Variants in SNX1 observed in about 807,000 individuals in gnomAD.
The protein encoded by SNX1 is sorting nexin-1.
A neutral mutation model predicts 71.8 loss-of-function variants in SNX1; 36 were observed. That is an observed-to-expected ratio of 0.50 (90% CI 0.38 to 0.66). SNX1 has a LOEUF of 0.66. SNX1 is among the 30% of genes least tolerant of loss of function. The pLI is 0.00. For missense variants in SNX1, 612 were observed against 646.7 expected (o/e 0.95, Z 0.58); for synonymous variants, 254 against 240.7 (o/e 1.06, Z -0.51).
intron 11 of SNX1, among the ~76,000 whole-genome samples, chr15:64,132,174 A>G (rs773794700): frequency 6.6e-6 from 1 of 152,220 alleles, no homozygotes; most frequent in Non-Finnish European, 1.5e-5. Flanking sequence ...TTGAGGCCAG[A>G]CAGTGTCTTC....
At chr15:64,130,800 AACAG>A (rs1215591368) in intron 10 of SNX1, among the ~76,000 whole-genome samples, 2 of 152,210 alleles carry the variant, frequency 1.3e-5, no homozygotes, top group African/African-American at 2.4e-5. Flanking sequence ...TAGAAATTGA[AACAG>A]ACAGAAGACC....
intron 7 of SNX1, 86 bp from the exon 8 acceptor site, chr15:64,127,645 A>T (rs1232898310): frequency 4.3e-6 from 4 of 922,442 alleles, no homozygotes; most frequent in Admixed American, 4.0e-5. Context: ...AGTACAGAAG[A>T]CATGGTATCA....
chr15:64,135,498 C>T (rs1173890784), intron 12 of SNX1, among the ~76,000 whole-genome samples: 1 of 150,558 alleles, frequency 6.6e-6, no homozygotes, highest in Non-Finnish European at 1.5e-5. Flanking sequence ...TGGCTCACGC[C>T]TGTAATACCA....
intron 6 of SNX1, among the ~76,000 whole-genome samples, chr15:64,126,612 G>A (rs1158730855): frequency 2.0e-5 from 3 of 151,978 alleles, no homozygotes; most frequent in South Asian, 4.2e-4. Context: ...GTGGAGTCTC[G>A]CTCTGTCACC....
intron 1 of SNX1, among the ~76,000 whole-genome samples, chr15:64,103,345 C>G (rs372176339): frequency 2.0e-5 from 3 of 152,156 alleles, no homozygotes; most frequent in Non-Finnish European, 2.9e-5. Flanking sequence ...TCCCCTTTCT[C>G]CATATCCTTG....
rs936863545 is a variant in SNX1, at chr15:64,096,184, C to T, written c.159+12C>T. ...GCGCCGCGGTGGTCGTGAGTTTGCA[C>T]CCCTCGGGGTAGCAGGCGGGAGGGC... is the stretch of plus-strand genomic sequence containing the variant. On this transcript the variant is annotated intron_variant, in intron 1 of 14. Coordinates refer to ENST00000559844, the MANE Select transcript of SNX1 (RefSeq NM_003099.5). The T allele has an allele frequency of 1.0e-5, 16 of 1,548,490 alleles. No homozygotes were observed. Among genetic ancestry groups the T allele is most frequent in the African/African-American group, 1.4e-5 (1 of 72,862 alleles).
intron 1 of SNX1, among the ~76,000 whole-genome samples, chr15:64,109,271 G>T (rs76193681): frequency 0.032 from 4,813 of 151,852 alleles, 255 homozygotes; most frequent in African/African-American, 0.11. Flanking sequence ...TACTTGGGAG[G>T]CTGAGGCACG....
At position 64,134,985 on chromosome 15, in the gene SNX1, C is replaced by G. The variant is rs1302226873; in HGVS notation, c.1365+178C>G. ...TCCAGGCCTTCCTGAGGCCTAGTCC[C>G]CCTGTTCTTTTTCTACTCTACGCAG... On this transcript the variant is annotated intron_variant, in intron 12 of 14. Coordinates refer to ENST00000559844, the MANE Select transcript of SNX1 (RefSeq NM_003099.5). This position sits in a 1 kb window ranked among gnomAD's most constrained non-coding sequence, Gnocchi z 4.1. The G allele has an allele frequency of 2.8e-6, 2 of 725,108 alleles. No homozygotes were observed. Among genetic ancestry groups the G allele is most frequent in the East Asian group, 5.6e-5 (2 of 35,596 alleles). 44.9% of individuals were successfully genotyped at this position (725,108 alleles called of 1,614,324 possible). A position where few individuals can be genotyped will look rare whatever the true frequency, so the allele number is the denominator to read the frequency against.
At position 64,126,066 on chromosome 15, in the gene SNX1, TC is replaced by T; in HGVS notation, c.511-11del. 6.2e-7 allele frequency: 1 copy of T among 1,614,088 alleles called. No individual in the cohort carries two copies. The highest frequency in any genetic ancestry group is 8.5e-7 in the Non-Finnish European group (1 of 1,179,984). ...TGGAATGAAATTGCCTTGTGTTTTTTCCTGTCCCCAAGACAAGCTTACCATT... is the reference window on the plus strand; with the variant it reads ...TGGAATGAAATTGCCTTGTGTTTTTTCTGTCCCCAAGACAAGCTTACCATT... On this transcript the variant is annotated splice_polypyrimidine_tract_variant and intron_variant, in intron 5 of 14. Transcript: ENST00000559844.
intron 5 of SNX1, among the ~76,000 whole-genome samples, chr15:64,125,464 CAAAAAAA>C (rs56350009): frequency 1.1e-4 from 5 of 45,876 alleles, no homozygotes; most frequent in African/African-American, 3.4e-4. Flanking sequence ...GACTCCATCT[CAAAAAAA>C]AAAAAAAAAA....
chr15:64,118,760 T>G (rs975182040), intron 3 of SNX1, 28 bp from the exon 4 acceptor site: 10 of 1,568,422 alleles, frequency 6.4e-6, no homozygotes, highest in Non-Finnish European at 8.8e-6. Flanking sequence ...TCATATCAAC[T>G]CTCATGATTT....
At chr15:64,097,114 G>A (rs2080910791) in intron 1 of SNX1, among the ~76,000 whole-genome samples, 1 of 105,134 alleles carries the variant, frequency 9.5e-6, no homozygotes. Context: ...CCCCTTATCT[G>A]GATGAAGGAT....
Position 64,129,942 on chromosome 15 carries a change from A to G in SNX1, c.834A>G (p.Thr278=), listed in dbSNP as rs768307987. ...TGCCACGTGCCGTGGGTACCCAGAC[A>G]TTGAGTGGTGCTGGTCTCCTCAAGA... ...EELPRAVGTQ[T]LSGAGLLKMF... The change falls in exon 9 of 15, where the codon ACA becomes ACG. Residue 278 remains threonine, a synonymous_variant. Coordinates refer to ENST00000559844, the MANE Select transcript of SNX1 (RefSeq NM_003099.5). The surrounding 1 kb of genome is among the most constrained non-coding windows in gnomAD (Gnocchi z 4.4). 5 of 1,613,998 alleles carry G rather than the reference A, an allele frequency of 3.1e-6. No individual in the cohort carries two copies. In the African/African-American group the frequency reaches 6.7e-5, roughly 22 times the overall value.
chr15:64,119,596 C>T (rs922079054), intron 4 of SNX1, among the ~76,000 whole-genome samples: 1 of 151,992 alleles, frequency 6.6e-6, no homozygotes, highest in African/African-American at 2.4e-5. Flanking sequence ...TGGTGGTGTG[C>T]GCCTATAATC....
In SNX1 at chr15:64,097,488, C is replaced by G. The variant is rs544143382; in HGVS notation, c.159+1316C>G. Among the ~76,000 whole-genome samples, 21 of 152,286 alleles carry G rather than the reference C, an allele frequency of 1.4e-4. No homozygotes were observed. The East Asian group carries it at 4.0e-3, about 29-fold the overall frequency. Reference sequence around the variant, plus strand: ...AGTTAACGTAAGTTGACCTCAGATTCCCTGCCCCCAAACCTTGGTGTTTTT... The same window carrying G: ...AGTTAACGTAAGTTGACCTCAGATTGCCTGCCCCCAAACCTTGGTGTTTTT... On this transcript the variant is annotated intron_variant, in intron 1 of 14. Transcript: ENST00000559844.
chr15:64,134,909 G>T lies in SNX1; in HGVS notation c.1365+102G>T. The T allele has an allele frequency of 6.9e-7, 1 of 1,457,492 alleles. No homozygotes were observed. Among genetic ancestry groups the T allele is most frequent in the South Asian group, 1.3e-5 (1 of 76,196 alleles). 90.3% of individuals were successfully genotyped at this position (1,457,492 alleles called of 1,614,324 possible). ...TTTGGAACCCCACAGGGGGAAGAGC[G>T]CTGATTGAGTCTAAAGGGCCGTGGC... On this transcript the variant is annotated intron_variant, in intron 12 of 14. Transcript: ENST00000559844. The surrounding 1 kb of genome is among the most constrained non-coding windows in gnomAD (Gnocchi z 4.1).
At chr15:64,125,990 A>T in intron 5 of SNX1, 89 bp from the exon 6 acceptor site, 1 of 1,379,796 alleles carries the variant, frequency 7.2e-7, no homozygotes, top group East Asian at 2.3e-5. Flanking sequence ...GATCTGGGAA[A>T]TGGGTTTCTT....
intron 2 of SNX1, among the ~76,000 whole-genome samples, chr15:64,115,206 G>A (rs1439897614): frequency 6.6e-6 from 1 of 152,030 alleles, no homozygotes; most frequent in Non-Finnish European, 1.5e-5. Flanking sequence ...GGTCATATTT[G>A]TTCATAGTGA....
chr15:64,098,184 C>T (rs1359597200), intron 1 of SNX1, among the ~76,000 whole-genome samples: 3 of 152,144 alleles, frequency 2.0e-5, no homozygotes, highest in South Asian at 2.1e-4. Flanking sequence ...TAATTTAGTC[C>T]TTCTGTATGT....
Sources: gnomAD v4.1 joint callset for allele counts (sites outside exome capture counted in the v4.1 genomes callset) on GRCh38, gnomAD v4.1.1 for gene constraint, Gnocchi (gnomAD v3.1) non-coding constraint, MANE v1.5 for transcripts, NCBI Gene and HGNC (gene_info 2026-07-23, HGNC 2026-07-21) for gene names.